Variants in CLVS1 observed in about 807,000 individuals in gnomAD.
The protein encoded by CLVS1 is clavesin-1.
A neutral mutation model predicts 33.1 loss-of-function variants in CLVS1; 10 were observed. The observed-to-expected ratio is 0.30, with a 90% CI of 0.19 to 0.51. CLVS1 has a LOEUF of 0.51. CLVS1 is among the 20% of genes least tolerant of loss of function. The pLI, the probability that CLVS1 is intolerant of heterozygous loss-of-function variation, is 0.97. For synonymous variants in CLVS1, 163 were observed against 166.1 expected, an observed-to-expected ratio of 0.98 and a Z score of 0.14; for missense variants, 343 against 433.4, an observed-to-expected ratio of 0.79 and a Z score of 1.85.
chr8:61,204,468 C>T (rs931353214), intron 2 of CLVS1, among the ~76,000 whole-genome samples: 7 of 152,138 alleles, frequency 4.6e-5, no homozygotes, highest in Admixed American at 6.5e-5. Context: ...GCAAATTGCT[C>T]ACACTATTAA....
At chr8:61,497,027 C>T (rs1340744681) in intron 5 of CLVS1, among the ~76,000 whole-genome samples, 1 of 152,142 alleles carries the variant, frequency 6.6e-6, no homozygotes, top group Non-Finnish European at 1.5e-5. Context: ...TAATATACAA[C>T]TATGGGTTAT....
chr8:61,280,789 A>AT lies in CLVS1; in HGVS notation c.-151-18880dup, dbSNP rs574111619. Among the ~76,000 whole-genome samples, 152 of 151,950 alleles carry AT rather than the reference A, an allele frequency of 1.0e-3. 1 individual carries two copies. Among genetic ancestry groups the AT allele is most frequent in the South Asian group, 3.1e-3 (15 of 4,796 alleles). On this transcript the variant is annotated intron_variant, in intron 2 of 2. Transcript: ENST00000522621. ...TAGCCCTCATAAGTGATCATTAATT[A>AT]TTTTTTTTGTGTATTTTTTGTAGAG...
At chr8:61,129,009 T>G (rs1465253614) in intron 1 of CLVS1, among the ~76,000 whole-genome samples, 1 of 152,246 alleles carries the variant, frequency 6.6e-6, no homozygotes, top group Non-Finnish European at 1.5e-5. Flanking sequence ...TTGCATTTGA[T>G]ACTGTTCCAG....
Position 61,123,043 on chromosome 8 carries a change from G to A in CLVS1, c.-242-8727G>A, listed in dbSNP as rs1339188239. Reference sequence around the variant, plus strand: ...CCAGCACTTTGGGAGGCCAAGGCAGGTGGATCACCTGAGGTCGGGAGTTCA... The same window carrying A: ...CCAGCACTTTGGGAGGCCAAGGCAGATGGATCACCTGAGGTCGGGAGTTCA... On this transcript the variant is annotated intron_variant, in intron 1 of 2. Transcript: ENST00000522621. Among the ~76,000 whole-genome samples, 3 of 143,810 alleles carry A rather than the reference G, an allele frequency of 2.1e-5. 1 individual carries two copies. The highest frequency in any genetic ancestry group is 4.6e-5 in the Non-Finnish European group (3 of 65,276). 94.3% of individuals were successfully genotyped at this position (143,810 alleles called of 152,430 possible). A position where few individuals can be genotyped will look rare whatever the true frequency, so the allele number is the denominator to read the frequency against.
At chr8:61,130,981 C>T (rs1351587322) in intron 1 of CLVS1, among the ~76,000 whole-genome samples, 1 of 152,198 alleles carries the variant, frequency 6.6e-6, no homozygotes, top group African/African-American at 2.4e-5. Flanking sequence ...TTGGTTTGAG[C>T]CCCCATTTTA....
intron 1 of CLVS1, among the ~76,000 whole-genome samples, chr8:61,062,118 G>T (rs1463650706): frequency 6.6e-6 from 1 of 152,168 alleles, no homozygotes; most frequent in Admixed American, 6.5e-5. Flanking sequence ...AATGAGACTT[G>T]CTGATGGCTT....
At chr8:61,415,693 C>T (rs959707668) in intron 3 of CLVS1, among the ~76,000 whole-genome samples, 1 of 152,248 alleles carries the variant, frequency 6.6e-6, no homozygotes, top group East Asian at 1.9e-4. Flanking sequence ...ATGCTCCATG[C>T]TGTTTGCTTT....
chr8:61,494,254 G>T (rs1215349678), intron 5 of CLVS1, among the ~76,000 whole-genome samples: 1 of 152,134 alleles, frequency 6.6e-6, no homozygotes, highest in African/African-American at 2.4e-5. Flanking sequence ...GGGGAAGAAA[G>T]GGGAAAGAGA....
intron 2 of CLVS1, among the ~76,000 whole-genome samples, chr8:61,375,136 C>A (rs1813592499): frequency 6.6e-6 from 1 of 151,956 alleles, no homozygotes. Context: ...CCCTCCCCAA[C>A]TAAAATAAGA....
At chr8:60,988,320 G>C in the CLVS1 span, among the ~76,000 whole-genome samples, 1 of 152,130 alleles carries the variant, frequency 6.6e-6, no homozygotes, top group African/African-American at 2.4e-5. Context: ...AGAAGAGGAG[G>C]TGCAGGTAGT....
At chr8:61,271,489 C>T (rs971506370) in intron 2 of CLVS1, among the ~76,000 whole-genome samples, 1 of 148,892 alleles carries the variant, frequency 6.7e-6, no homozygotes, top group Non-Finnish European at 1.5e-5. Flanking sequence ...AATGTATATT[C>T]TGTTGATTTG....
At chr8:61,104,471 T>C (rs924560275) in intron 1 of CLVS1, among the ~76,000 whole-genome samples, 1 of 152,208 alleles carries the variant, frequency 6.6e-6, no homozygotes, top group Admixed American at 6.5e-5. Context: ...TTTGATAAAG[T>C]AGGAGAAAAA....
At chr8:60,966,591 T>G in the CLVS1 span, 2 of 248,402 alleles carry the variant, frequency 8.1e-6, no homozygotes, top group East Asian at 2.2e-4. Flanking sequence ...TACATATCTT[T>G]CTGGGTCCCA....
At chr8:61,202,474 T>A in intron 2 of CLVS1, 1 of 837,168 alleles carries the variant, frequency 1.2e-6, no homozygotes, top group Non-Finnish European at 2.1e-6. Flanking sequence ...TGAGCGCCAG[T>A]TGTCTTTAAG....
chr8:61,080,983 G>A (rs1324811659), intron 1 of CLVS1, among the ~76,000 whole-genome samples: 1 of 152,212 alleles, frequency 6.6e-6, no homozygotes, highest in Admixed American at 6.5e-5. Context: ...TAACACAAAT[G>A]TATGGAATAA....
chr8:61,011,537 C>G, the CLVS1 span, among the ~76,000 whole-genome samples: 1 of 152,128 alleles, frequency 6.6e-6, no homozygotes, highest in South Asian at 2.1e-4. Context: ...CAACATCCAC[C>G]TCTTGGGTTC....
intron 3 of CLVS1, among the ~76,000 whole-genome samples, chr8:61,443,855 T>TA (rs1489450361): frequency 1.3e-5 from 2 of 152,182 alleles, no homozygotes; most frequent in African/African-American, 4.8e-5. Flanking sequence ...TATATTATCT[T>TA]AAAATCTACA....
At chr8:61,187,450 C>A (rs1375296523) in intron 2 of CLVS1, among the ~76,000 whole-genome samples, 2 of 152,104 alleles carry the variant, frequency 1.3e-5, no homozygotes, top group African/African-American at 2.4e-5. Context: ...CAAATCAAGT[C>A]ATTTAATGTG....
chr8:61,140,493 C>G (rs570941481), intron 2 of CLVS1, among the ~76,000 whole-genome samples: 19 of 152,310 alleles, frequency 1.2e-4, no homozygotes, highest in Non-Finnish European at 2.4e-4. Flanking sequence ...ATGCTTGTAA[C>G]TAGTTGGAGA....
Sources: allele counts gnomAD v4.1 joint callset (sites outside exome capture counted in the v4.1 genomes callset), GRCh38; gene constraint gnomAD v4.1.1; transcripts MANE v1.5; gene names NCBI Gene and HGNC (gene_info 2026-07-23, HGNC 2026-07-21).